Variants in PAK5 observed in about 807,000 individuals in gnomAD.
PAK5 encodes serine/threonine-protein kinase PAK 5.
A neutral mutation model predicts 65.9 loss-of-function variants in PAK5; 16 were observed. The observed-to-expected ratio is 0.24, with a 90% CI of 0.16 to 0.37. The LOEUF (loss-of-function observed/expected upper bound fraction) is 0.37. Among genes scored for constraint, PAK5 ranks in the 10% least tolerant of loss-of-function variants. PAK5 has a pLI of 1.00. For missense variants in PAK5, 785 were observed against 903.9 expected, an observed-to-expected ratio of 0.87 and a Z score of 1.69; for synonymous variants, 371 against 354.9, an observed-to-expected ratio of 1.05 and a Z score of -0.51.
At chr20:9,832,821 A>G (rs1167386832) in intron 1 of PAK5, among the ~76,000 whole-genome samples, 1 of 152,118 alleles carries the variant, frequency 6.6e-6, no homozygotes, top group Non-Finnish European at 1.5e-5. Context: ...TTCCTTTTGA[A>G]TTATGCATTC....
intron 1 of PAK5, among the ~76,000 whole-genome samples, chr20:9,736,013 T>A (rs2048385245): frequency 6.6e-6 from 1 of 151,638 alleles, no homozygotes. Flanking sequence ...GTGATTCTCC[T>A]GCCTCAGCCT....
intron 1 of PAK5, among the ~76,000 whole-genome samples, chr20:9,793,186 T>G (rs1182468753): frequency 6.6e-6 from 1 of 152,152 alleles, no homozygotes; most frequent in Non-Finnish European, 1.5e-5. Context: ...CACCCATCAT[T>G]TAAGCATCCA....
chr20:9,700,645 G>T (rs1434008735), intron 2 of PAK5, among the ~76,000 whole-genome samples: 1 of 152,092 alleles, frequency 6.6e-6, no homozygotes, highest in Admixed American at 6.6e-5. Context: ...TTATACCAGG[G>T]AGAAGAAAAT....
chr20:9,695,850 T>C (rs1600253694), intron 2 of PAK5, among the ~76,000 whole-genome samples: 2 of 151,264 alleles, frequency 1.3e-5, no homozygotes, highest in South Asian at 4.2e-4. Flanking sequence ...CTAAGTTCTA[T>C]AAAAACCAAC....
At chr20:9,793,495 C>A (rs1374751929) in intron 1 of PAK5, among the ~76,000 whole-genome samples, 1 of 151,918 alleles carries the variant, frequency 6.6e-6, no homozygotes, top group Admixed American at 6.6e-5. Context: ...AATTCATATC[C>A]TTTGCCCACT....
chr20:9,782,454 TG>T (rs1167989403), intron 1 of PAK5, among the ~76,000 whole-genome samples: 3 of 152,206 alleles, frequency 2.0e-5, no homozygotes, highest in Non-Finnish European at 2.9e-5. Flanking sequence ...TACTACGACA[TG>T]CTATTGATTG....
intron 1 of PAK5, among the ~76,000 whole-genome samples, chr20:9,781,989 T>C (rs370630280): frequency 6.6e-6 from 1 of 152,180 alleles, no homozygotes; most frequent in South Asian, 2.1e-4. Context: ...GAACTCTGCT[T>C]TGCCCCTACA....
chr20:9,712,224 C>T (rs1600274996), intron 1 of PAK5, among the ~76,000 whole-genome samples: 1 of 152,180 alleles, frequency 6.6e-6, no homozygotes, highest in African/African-American at 2.4e-5. Context: ...TATAAAATCA[C>T]AAATAATGAG....
At chr20:9,756,375 G>T (rs1276458826) in intron 1 of PAK5, among the ~76,000 whole-genome samples, 1 of 152,082 alleles carries the variant, frequency 6.6e-6, no homozygotes, top group Admixed American at 6.6e-5. Context: ...GTAGCTCAGA[G>T]GGTAATTGGG....
At chr20:9,619,248 A>G (rs2046726674) in intron 3 of PAK5, among the ~76,000 whole-genome samples, 1 of 152,006 alleles carries the variant, frequency 6.6e-6, no homozygotes, top group South Asian at 2.1e-4. Flanking sequence ...CTGTTGTTTT[A>G]CTTTAGGTAG....
chr20:9,644,074 A>T, intron 3 of PAK5, 51 bp downstream of exon 3: 1 of 1,406,284 alleles, frequency 7.1e-7, no homozygotes. Flanking sequence ...GCAGTGCATT[A>T]AATAAGAGCA....
intron 7 of PAK5, among the ~76,000 whole-genome samples, chr20:9,547,579 C>T (rs1398969028): frequency 6.6e-6 from 1 of 152,128 alleles, no homozygotes; most frequent in Admixed American, 6.5e-5. Flanking sequence ...GGAATTTAAC[C>T]ACCACTCTGC....
chr20:9,802,932 A>ATATATATATATATATG (rs1171891650), intron 1 of PAK5, among the ~76,000 whole-genome samples: 1 of 138,448 alleles, frequency 7.2e-6, no homozygotes, highest in Non-Finnish European at 1.6e-5. Flanking sequence ...ATATATATAT[A>ATATATATATATATATG]TGAATTACTA....
chr20:9,540,378 C>A (rs1464957632), intron 9 of PAK5, among the ~76,000 whole-genome samples: 1 of 152,184 alleles, frequency 6.6e-6, no homozygotes, highest in Non-Finnish European at 1.5e-5. Context: ...TCCTGCCAAC[C>A]CCTATCTCCC....
chr20:9,658,695 G>C (rs1376025468), intron 2 of PAK5, among the ~76,000 whole-genome samples: 1 of 152,076 alleles, frequency 6.6e-6, no homozygotes, highest in Admixed American at 6.6e-5. Context: ...TATGGAAAAA[G>C]GGTAAACAAA....
rs1383912053 is a variant in PAK5, at chr20:9,557,705, C to T, written c.1646G>A (p.Cys549Tyr). Reference sequence around the variant, plus strand: ...GGAGAGAGCTCTCAGAACTGACAGGCAGACAGTAGCTATCTGTTCTTCATT... The same window carrying T: ...GGAGAGAGCTCTCAGAACTGACAGGTAGACAGTAGCTATCTGTTCTTCATT... ...RMNEEQIATV[C>Y]LSVLRALSYL... Residue 549 changes from cysteine (C) to tyrosine (Y), a missense_variant, in exon 7 of 10, where the codon TGC (cysteine) becomes TAC (tyrosine). Coordinates refer to ENST00000353224, the MANE Select transcript of PAK5 (RefSeq NM_177990.4). The T allele has an allele frequency of 3.1e-6, 5 of 1,610,726 alleles. No individual in the cohort carries two copies. Among genetic ancestry groups the T allele is most frequent in the African/African-American group, 1.3e-5 (1 of 74,806 alleles).
chr20:9,691,717 A>T (rs2047800159), intron 2 of PAK5, among the ~76,000 whole-genome samples: 1 of 152,164 alleles, frequency 6.6e-6, no homozygotes, highest in African/African-American at 2.4e-5. Flanking sequence ...CTACAAATGT[A>T]CTCCAATAAA....
At chr20:9,549,233 T>G (rs1462314786) in intron 7 of PAK5, among the ~76,000 whole-genome samples, 2 of 152,110 alleles carry the variant, frequency 1.3e-5, no homozygotes, top group Admixed American at 6.6e-5. Flanking sequence ...TCACTTTTTT[T>G]CACTCCAAGC....
In PAK5 at chr20:9,571,611, T is replaced by C. The variant is rs187383329; in HGVS notation, c.991-5227A>G. 4.9e-4 allele frequency among the ~76,000 whole-genome samples: 74 copies of C among 152,328 alleles called. 1 individual carries two copies. Among genetic ancestry groups the C allele is most frequent in the Non-Finnish European group, 8.8e-4 (60 of 68,022 alleles). On this transcript the variant is annotated intron_variant, in intron 4 of 9. Transcript: ENST00000353224. ...CATTGATTTATAAGAATAATGATGT[T>C]TGATACTTATTGAGTGCTTTCTACA...
Sources: allele counts gnomAD v4.1 joint callset (sites outside exome capture counted in the v4.1 genomes callset), GRCh38; gene constraint gnomAD v4.1.1; transcripts MANE v1.5; gene names NCBI Gene and HGNC (gene_info 2026-07-23, HGNC 2026-07-21).